The following KCMF1 variants were observed in gnomAD, a reference collection of about 807,000 sequenced individuals.
The protein encoded by KCMF1 is potassium channel modulatory factor 1, also known as E3 ubiquitin-protein ligase KCMF1.
A neutral mutation model predicts 41.1 loss-of-function variants in KCMF1; 3 were observed. That is an observed-to-expected ratio of 0.07 (90% CI 0.03 to 0.19). The LOEUF (loss-of-function observed/expected upper bound fraction) is 0.19. Ranked by LOEUF, KCMF1 falls within the 10% of genes least tolerant of loss-of-function variation. KCMF1 has a pLI of 1.00. For missense variants in KCMF1, 286 were observed against 488.9 expected, an observed-to-expected ratio of 0.58 and a Z score of 3.91; for synonymous variants, 142 against 164.5, an observed-to-expected ratio of 0.86 and a Z score of 1.04.
At chr2:84,976,461 C>T (rs1559123553) in intron 1 of KCMF1, among the ~76,000 whole-genome samples, 1 of 151,888 alleles carries the variant, frequency 6.6e-6, no homozygotes, top group African/African-American at 2.4e-5. Context: ...CCACCTCAGC[C>T]TCCTAAAGTG....
At position 85,030,833 on chromosome 2, in the gene KCMF1, A is replaced by C. The variant is rs72930906; in HGVS notation, c.184+2777A>C. Among the ~76,000 whole-genome samples, 349 of 152,266 alleles carry C rather than the reference A, an allele frequency of 2.3e-3. 3 individuals are homozygous for C. Among genetic ancestry groups the C allele is most frequent in the African/African-American group, 8.1e-3 (336 of 41,546 alleles). On this transcript the variant is annotated intron_variant, in intron 2 of 6. Coordinates refer to ENST00000409785, the MANE Select transcript of KCMF1 (RefSeq NM_020122.5). ...ACCCTCAGCCTTCCAAGTAATTGGG[A>C]TCACAGGTGGAAGCCACCACGCCTA...
At chr2:85,026,366 G>A (rs1675102881) in intron 1 of KCMF1, among the ~76,000 whole-genome samples, 1 of 151,266 alleles carries the variant, frequency 6.6e-6, no homozygotes, top group South Asian at 2.1e-4. Context: ...TGAACTCCTG[G>A]CCTCAAGCAG....
chr2:85,031,479 T>C (rs1016812043), intron 2 of KCMF1, among the ~76,000 whole-genome samples: 1 of 152,178 alleles, frequency 6.6e-6, no homozygotes, highest in Non-Finnish European at 1.5e-5. Flanking sequence ...CATACAACCA[T>C]GCTGTTTTTC....
At chr2:84,981,106 T>G (rs140179719) in intron 1 of KCMF1, among the ~76,000 whole-genome samples, 3 of 151,658 alleles carry the variant, frequency 2.0e-5, no homozygotes, top group Non-Finnish European at 2.9e-5. Flanking sequence ...TGTATTACCC[T>G]CAGCTAGAAG....
intron 1 of KCMF1, among the ~76,000 whole-genome samples, chr2:84,982,526 C>T (rs1673791248): frequency 2.0e-5 from 3 of 150,512 alleles, no homozygotes; most frequent in East Asian, 3.9e-4. Flanking sequence ...CTCAGCCTCC[C>T]GAGTAGCTGG....
intron 1 of KCMF1, among the ~76,000 whole-genome samples, chr2:85,019,752 A>G (rs1674883238): frequency 6.6e-6 from 1 of 150,944 alleles, no homozygotes; most frequent in Non-Finnish European, 1.5e-5. Flanking sequence ...ATATGTATAT[A>G]TGTGTGTGTA....
chr2:85,034,813 G>A (rs182300596), intron 2 of KCMF1, among the ~76,000 whole-genome samples: 3 of 152,194 alleles, frequency 2.0e-5, no homozygotes, highest in African/African-American at 7.2e-5. Context: ...GTAGACACGA[G>A]GTTTTACCAT....
At chr2:85,053,049 C>A in intron 6 of KCMF1, 99 bp from the exon 7 acceptor site, 1 of 1,089,784 alleles carries the variant, frequency 9.2e-7, no homozygotes, top group Non-Finnish European at 1.3e-6. Context: ...TGAATTTTGC[C>A]ACCTGTAAAA....
intron 1 of KCMF1, among the ~76,000 whole-genome samples, chr2:84,986,618 C>T (rs1265392817): frequency 6.6e-6 from 1 of 151,888 alleles, no homozygotes; most frequent in Non-Finnish European, 1.5e-5. Context: ...TGGCTCACGC[C>T]TGTAATCCTA....
intron 1 of KCMF1, among the ~76,000 whole-genome samples, chr2:85,003,391 T>C (rs1017079370): frequency 1.3e-5 from 2 of 151,812 alleles, no homozygotes; most frequent in African/African-American, 4.8e-5. Flanking sequence ...GGCAGGAGAA[T>C]GGTGCAAACC....
chr2:85,057,211 A>C lies in KCMF1; in HGVS notation c.*3802A>C, dbSNP rs918137122. The C allele has an allele frequency of 6.6e-6, 1 of 152,126 alleles. No individual in the cohort carries two copies. The highest frequency in any genetic ancestry group is 2.4e-5 in the African/African-American group (1 of 41,424). 9.4% of individuals were successfully genotyped at this position (152,126 alleles called of 1,614,324 possible). On this transcript the variant is annotated 3_prime_UTR_variant, in exon 7 of 7. Coordinates refer to ENST00000409785, the MANE Select transcript of KCMF1 (RefSeq NM_020122.5). The stretch of plus-strand genomic sequence containing the variant: ...AAAAAAAATTAAAACACTAGGTACG[A>C]AATTATCCCAGAATTATACGCGAAA...
At chr2:85,001,046 T>TA (rs1674314935) in intron 1 of KCMF1, among the ~76,000 whole-genome samples, 1 of 151,442 alleles carries the variant, frequency 6.6e-6, no homozygotes, top group African/African-American at 2.4e-5. Context: ...AGGCTGGTCT[T>TA]AAACTCCTGG....
intron 1 of KCMF1, among the ~76,000 whole-genome samples, chr2:84,993,154 T>C (rs999598501): frequency 6.7e-6 from 1 of 148,160 alleles, no homozygotes; most frequent in African/African-American, 2.5e-5. Context: ...GCCACTGCAC[T>C]CCAGCCCAGG....
intron 1 of KCMF1, among the ~76,000 whole-genome samples, chr2:84,998,822 G>T (rs549620090): frequency 6.6e-6 from 1 of 150,894 alleles, no homozygotes; most frequent in Non-Finnish European, 1.5e-5. Flanking sequence ...ATGTTGGTCA[G>T]GCTGGTCTTG....
intron 1 of KCMF1, among the ~76,000 whole-genome samples, chr2:84,994,704 A>C (rs909941615): frequency 1.3e-5 from 2 of 152,150 alleles, no homozygotes; most frequent in Non-Finnish European, 2.9e-5. Context: ...CGCCCAGCCA[A>C]CAACACTTCT....
intron 6 of KCMF1, among the ~76,000 whole-genome samples, chr2:85,050,918 C>T (rs924210268): frequency 2.0e-5 from 3 of 152,196 alleles, no homozygotes; most frequent in African/African-American, 7.2e-5. Context: ...TTGCCAATTA[C>T]AAGTTTTGGA....
chr2:85,049,324 C>T (rs1397678574), intron 5 of KCMF1, 42 bp from the exon 6 acceptor site: 2 of 1,587,070 alleles, frequency 1.3e-6, no homozygotes, highest in African/African-American at 2.7e-5. Context: ...TTGTTTTCCT[C>T]AGTATTAAGC....
chr2:84,994,038 C>G (rs1212880188), intron 1 of KCMF1, among the ~76,000 whole-genome samples: 2 of 151,980 alleles, frequency 1.3e-5, no homozygotes, highest in Non-Finnish European at 2.9e-5. Flanking sequence ...AGCTCCGCCT[C>G]CTGGGTTCAC....
intron 6 of KCMF1, among the ~76,000 whole-genome samples, chr2:85,049,870 C>A (rs1235179006): frequency 6.6e-6 from 1 of 152,146 alleles, no homozygotes; most frequent in Non-Finnish European, 1.5e-5. Flanking sequence ...GACCCAGTGG[C>A]TCACACCTGT....
Sources: allele counts gnomAD v4.1 joint callset (sites outside exome capture counted in the v4.1 genomes callset), GRCh38; gene constraint gnomAD v4.1.1; transcripts MANE v1.5; gene names NCBI Gene and HGNC (gene_info 2026-07-23, HGNC 2026-07-21).